The following RAB39A variants were observed in gnomAD, a reference collection of about 807,000 sequenced individuals.
RAB39A encodes RAB39A, member RAS oncogene family.
RAB39A carries 17 observed loss-of-function variants against 20.9 expected under a neutral mutation model. The ratio of observed to expected loss-of-function variants is 0.81; its 90% CI spans 0.56 to 1.22. The LOEUF is 1.22. Ranked by LOEUF, RAB39A falls within the 50% of genes most tolerant of loss-of-function variation. The pLI is 0.00. For missense variants in RAB39A, 234 were observed against 270.5 expected, an observed-to-expected ratio of 0.87 and a Z score of 0.95; for synonymous variants, 99 against 103.4, an observed-to-expected ratio of 0.96 and a Z score of 0.26.
intron 1 of RAB39A, among the ~76,000 whole-genome samples, chr11:107,950,994 T>C (rs1861372825): frequency 6.6e-6 from 1 of 152,128 alleles, no homozygotes; most frequent in African/African-American, 2.4e-5. Context: ...CACAGGGGAA[T>C]TGATTCACAT....
chr11:107,953,019 G>A (rs1293228395), intron 1 of RAB39A, among the ~76,000 whole-genome samples: 2 of 152,202 alleles, frequency 1.3e-5, no homozygotes, highest in African/African-American at 4.8e-5. Flanking sequence ...GCTGTGGGCT[G>A]GGGAAATTGG....
chr11:107,929,197 G>T (rs567022361), intron 1 of RAB39A, among the ~76,000 whole-genome samples: 72 of 152,252 alleles, frequency 4.7e-4, no homozygotes, highest in Non-Finnish European at 8.8e-4. Context: ...CCAAGCAGGC[G>T]CCCCTTTTCC....
chr11:107,951,740 C>T (rs1161781168), intron 1 of RAB39A, among the ~76,000 whole-genome samples: 1 of 151,024 alleles, frequency 6.6e-6, no homozygotes, highest in Non-Finnish European at 1.5e-5. Flanking sequence ...CCACCTCGGA[C>T]TCCCAAAGTA....
chr11:107,962,453 C>T lies in RAB39A; in HGVS notation c.*81C>T, dbSNP rs555172754. The T allele has an allele frequency of 1.5e-6, 2 of 1,291,526 alleles. No individual in the cohort carries two copies. The highest frequency in any genetic ancestry group is 2.1e-6 in the Non-Finnish European group (2 of 944,012). 80.0% of individuals were successfully genotyped at this position (1,291,526 alleles called of 1,614,324 possible). A position where few individuals can be genotyped will look rare whatever the true frequency, so the allele number is the denominator to read the frequency against. On this transcript the variant is annotated 3_prime_UTR_variant, in exon 2 of 2. Transcript: ENST00000320578. ...TACCAACATTAACAGCAGAATGATG[C>T]AATGAAAGAATTTAAAAAGGTTACA... is the stretch of plus-strand genomic sequence containing the variant.
intron 1 of RAB39A, among the ~76,000 whole-genome samples, chr11:107,957,501 G>T (rs910306677): frequency 6.6e-6 from 1 of 152,208 alleles, no homozygotes; most frequent in Admixed American, 6.5e-5. Flanking sequence ...AAAGGAGACT[G>T]CTCCTCTGGC....
At chr11:107,940,174 G>T (rs750235760) in intron 1 of RAB39A, among the ~76,000 whole-genome samples, 8 of 152,080 alleles carry the variant, frequency 5.3e-5, no homozygotes, top group Non-Finnish European at 1.0e-4. Context: ...GCAAAGAAAG[G>T]TAAGCCCCTT....
Position 107,928,461 on chromosome 11 carries a change from T to G in RAB39A, c.-108T>G. The G allele has an allele frequency of 8.7e-6, 7 of 805,650 alleles. No individual in the cohort carries two copies. The highest frequency in any genetic ancestry group is 1.2e-5 in the Non-Finnish European group (7 of 575,682). The allele number at this position is 805,650 out of a possible 1,614,324, so 49.9% of individuals were successfully genotyped here. ...GGCGGCGGCCGCAGCCGCAGGAATA[T>G]GCTGGAAGGCGGCGGGCGGGCGCCC... On this transcript the variant is annotated 5_prime_UTR_variant, in exon 1 of 2. The change abolishes an upstream ATG in the 5' untranslated region. Transcript: ENST00000320578. The surrounding 1 kb of genome is among the most constrained non-coding windows in gnomAD (Gnocchi z 4.9).
intron 1 of RAB39A, among the ~76,000 whole-genome samples, chr11:107,938,359 C>CA (rs58613355): frequency 0.52 from 33,090 of 63,204 alleles, 8,545 homozygotes; most frequent in East Asian, 0.66. Context: ...GACTCCGTCT[C>CA]AAAAAAAAAA....
intron 1 of RAB39A, among the ~76,000 whole-genome samples, chr11:107,946,396 ATGTGTGTGTGTGTGTGTGTGTGTGTG>A (rs71047654): frequency 2.7e-5 from 1 of 37,628 alleles, no homozygotes; most frequent in Non-Finnish European, 4.3e-5. Flanking sequence ...GGGTGTATAT[ATGTGTGTGTGTGTGTGTGTGTGTGTG>A]TGTGTGTGTG....
intron 1 of RAB39A, among the ~76,000 whole-genome samples, chr11:107,959,219 CA>C (rs1861470180): frequency 6.6e-6 from 1 of 152,088 alleles, no homozygotes; most frequent in Non-Finnish European, 1.5e-5. Flanking sequence ...TTTTCAGCCA[CA>C]AAAGGCATTT....
At chr11:107,935,505 G>A (rs1402731362) in intron 1 of RAB39A, among the ~76,000 whole-genome samples, 1 of 151,666 alleles carries the variant, frequency 6.6e-6, no homozygotes, top group African/African-American at 2.4e-5. Flanking sequence ...CTCCCGAGTA[G>A]CTGGGACTAC....
chr11:107,928,518 G>T lies in RAB39A; in HGVS notation c.-51G>T. 1.5e-6 allele frequency: 2 copies of T among 1,361,992 alleles called. No individual in the cohort carries two copies. Among genetic ancestry groups the T allele is most frequent in the South Asian group, 3.5e-5 (2 of 57,550 alleles). The allele number at this position is 1,361,992 out of a possible 1,614,324, so 84.4% of individuals were successfully genotyped here. A position where few individuals can be genotyped will look rare whatever the true frequency, so the allele number is the denominator to read the frequency against. On this transcript the variant is annotated 5_prime_UTR_variant, in exon 1 of 2. Transcript: ENST00000320578. This position sits in a 1 kb window ranked among gnomAD's most constrained non-coding sequence, Gnocchi z 4.9. ...TGCTGAAAGGACAGTTCCCGCCGCC[G>T]AACTTAGCCCGCGGGTGGGGCGGCC...
In RAB39A at chr11:107,928,966, G is replaced by C. The variant is rs1018123543; in HGVS notation, c.227+171G>C. Among the ~76,000 whole-genome samples, 1 of 152,014 alleles carries C rather than the reference G, an allele frequency of 6.6e-6. No homozygotes were observed. Among genetic ancestry groups the C allele is most frequent in the Non-Finnish European group, 1.5e-5 (1 of 68,026 alleles). On this transcript the variant is annotated intron_variant, in intron 1 of 1. Transcript: ENST00000320578. The surrounding 1 kb of genome is among the most constrained non-coding windows in gnomAD (Gnocchi z 4.9). ...CCTTTGCCCCTCCTCTTCCAGGGAC[G>C]ACTTCCTCCTCCGCAATTTCTCACT...
chr11:107,942,351 T>C (rs547353565), intron 1 of RAB39A, among the ~76,000 whole-genome samples: 1 of 152,266 alleles, frequency 6.6e-6, no homozygotes, highest in Admixed American at 6.5e-5. Flanking sequence ...ACTACAGCCA[T>C]TGGACTGGGA....
rs77019640 is a variant in RAB39A at position 107,930,110 on chromosome 11, C to A, written c.227+1315C>A. ...TAGAGATAATGAGTGAACTGCTTAG[C>A]TTGCTTATACCTTAGTTTTCGTGTG... On this transcript the variant is annotated intron_variant, in intron 1 of 1. Coordinates refer to ENST00000320578, the MANE Select transcript of RAB39A (RefSeq NM_017516.3). 8.1e-3 allele frequency among the ~76,000 whole-genome samples: 1,228 copies of A among 152,290 alleles called. 18 individuals are homozygous for A. The highest frequency in any genetic ancestry group is 0.029 in the African/African-American group (1,191 of 41,556).
chr11:107,961,401 T>C (rs1171770896), intron 1 of RAB39A, among the ~76,000 whole-genome samples: 1 of 152,120 alleles, frequency 6.6e-6, no homozygotes, highest in East Asian at 1.9e-4. Context: ...CTAAATTACA[T>C]CCCAAAGGCC....
chr11:107,942,108 A>C (rs1424430485), intron 1 of RAB39A, among the ~76,000 whole-genome samples: 2 of 151,726 alleles, frequency 1.3e-5, no homozygotes, highest in Non-Finnish European at 2.9e-5. Flanking sequence ...CAAAAAAAAA[A>C]AAAAAAAAAA....
In RAB39A at chr11:107,939,719, G is replaced by T. The variant is rs73553018; in HGVS notation, c.227+10924G>T. On this transcript the variant is annotated intron_variant, in intron 1 of 1. Transcript: ENST00000320578. Reference sequence around the variant, plus strand: ...ACCAAAAGAGATAGCACCTCACCTTGAAATGTTATTTCATCTTGAAATAAC... The same window carrying T: ...ACCAAAAGAGATAGCACCTCACCTTTAAATGTTATTTCATCTTGAAATAAC... Among the ~76,000 whole-genome samples, 991 of 151,896 alleles carry T rather than the reference G, an allele frequency of 6.5e-3. 11 individuals carry two copies. The highest frequency in any genetic ancestry group is 0.023 in the African/African-American group (943 of 41,452).
chr11:107,959,244 G>A (rs1861470514), intron 1 of RAB39A, among the ~76,000 whole-genome samples: 1 of 152,206 alleles, frequency 6.6e-6, no homozygotes, highest in African/African-American at 2.4e-5. Flanking sequence ...AAATATTCTA[G>A]TAATGGTAAA....
Sources: gnomAD v4.1 joint callset for allele counts (sites outside exome capture counted in the v4.1 genomes callset) on GRCh38, gnomAD v4.1.1 for gene constraint, Gnocchi (gnomAD v3.1) non-coding constraint, MANE v1.5 for transcripts, NCBI Gene and HGNC (gene_info 2026-07-23, HGNC 2026-07-21) for gene names.